SLC29A1: variants seen among roughly 807,000 people sequenced by gnomAD.
SLC29A1 encodes the protein solute carrier family 29 member 1 (Augustine blood group).
In SLC29A1, 22 loss-of-function variants were observed where a neutral mutation model predicts 48.3. The ratio of observed to expected loss-of-function variants is 0.46; its 90% confidence interval spans 0.33 to 0.65. The LOEUF (loss-of-function observed/expected upper bound fraction) is 0.65, where lower values mean the gene tolerates loss of function less well. Among genes scored for constraint, SLC29A1 ranks in the 30% least tolerant of loss-of-function variants. The pLI is 0.03. For synonymous variants in SLC29A1, 228 were observed against 231.0 expected (o/e 0.99, Z 0.12); for missense variants, 491 against 575.3 (o/e 0.85, Z 1.50).
At chr6:44,222,328 A>G (rs1405059540), upstream of SLC29A1, among the ~76,000 whole-genome samples, 1 of 152,078 alleles carries the variant, frequency 6.6e-6, no homozygotes, top group African/African-American at 2.4e-5. Context: ...TGGAAACAGA[A>G]GGCTGGGGAC....
chr6:44,228,430 T>C (rs1778063540), intron 2 of SLC29A1, among the ~76,000 whole-genome samples: 3 of 152,214 alleles, frequency 2.0e-5, no homozygotes, highest in African/African-American at 7.2e-5. Flanking sequence ...GGGGCTGCAG[T>C]TGCATTAACT....
intron 1 of SLC29A1, 127 bp from the exon 2 acceptor site, chr6:44,227,136 C>A: frequency 1.4e-6 from 2 of 1,390,838 alleles, no homozygotes; most frequent in Non-Finnish European, 1.9e-6. Context: ...GGGCAGGGTG[C>A]AGAGGGGGTC....
intron 1 of SLC29A1, 78 bp from the exon 2 acceptor site, chr6:44,227,184 GC>G (rs1777748994): frequency 1.4e-6 from 2 of 1,469,100 alleles, no homozygotes; most frequent in Non-Finnish European, 1.9e-6. Context: ...TGTCAGCCCT[GC>G]CCCCTCTCCC....
In SLC29A1 at chr6:44,231,915, C is replaced by T. The variant is rs1162519363; in HGVS notation, c.865-83C>T. 8.6e-6 allele frequency: 9 copies of T among 1,042,026 alleles called. 1 individual carries two copies. The highest frequency in any genetic ancestry group is 4.7e-5 in the African/African-American group (3 of 63,838). The allele number at this position is 1,042,026 out of a possible 1,614,324, so 64.5% of individuals were successfully genotyped here. A position where few individuals can be genotyped will look rare whatever the true frequency, so the allele number is the denominator to read the frequency against. On this transcript the variant is annotated intron_variant, in intron 9 of 12. Coordinates refer to ENST00000371755, the MANE Select transcript of SLC29A1 (RefSeq NM_001372327.1). ...CTGAGATTACAGGCGTGAGCCACCA[C>T]GCCTGGCCTGGATTCGTGGTTCTTT...
At position 44,227,483 on chromosome 6, in the gene SLC29A1, G is replaced by A. The variant is rs146935212; in HGVS notation, c.29+141G>A. The A allele has an allele frequency of 3.2e-4, 232 of 724,492 alleles. No individual in the cohort carries two copies. The East Asian group carries it at 6.1e-3, about 19-fold the overall frequency. The allele number at this position is 724,492 out of a possible 1,614,324, so 44.9% of individuals were successfully genotyped here. On this transcript the variant is annotated intron_variant, in intron 2 of 12. Transcript: ENST00000371755. ...ATGAGTCAGGTCTGCATCAGGGGTG[G>A]GGACCCCGTGTGCCTTGGCTGGGTG... is the stretch of plus-strand genomic sequence containing the variant.
At chr6:44,220,589 C>T (rs1303793336), upstream of SLC29A1, among the ~76,000 whole-genome samples, 1 of 149,214 alleles carries the variant, frequency 6.7e-6, no homozygotes, top group South Asian at 2.1e-4. Context: ...CCAAGGCGGG[C>T]GGATCACAAG....
upstream of SLC29A1, chr6:44,221,805 C>G (rs780279733): frequency 2.6e-6 from 1 of 389,170 alleles, no homozygotes; most frequent in Non-Finnish European, 4.8e-6. The surrounding 1 kb of genome is among the most constrained non-coding windows in gnomAD (Gnocchi z 4.2). Context: ...GGATGCCAGA[C>G]GGACTTCTCT....
In SLC29A1 at chr6:44,229,967, C is replaced by G. The variant is rs1339922413; in HGVS notation, c.375C>G (p.Ile125Met). 7 of 1,613,176 alleles carry G rather than the reference C, an allele frequency of 4.3e-6. No individual in the cohort carries two copies. The highest frequency in any genetic ancestry group is 4.0e-5 in the African/African-American group (3 of 74,930). ...SLVAILLVFL[I>M]TAILVKVQLD... ...TGGCCATCCTGCTGGTGTTTCTGAT[C>G]ACTGCCATCCTGGTGAAGGTGCAGC... Residue 125 changes from isoleucine to methionine, a missense_variant, in exon 5 of 13, where the codon ATC (isoleucine) becomes ATG (methionine). Ile to Met is a conservative substitution (Grantham distance 10). Coordinates refer to ENST00000371755, the MANE Select transcript of SLC29A1 (RefSeq NM_001372327.1). The surrounding 1 kb of genome is among the most constrained non-coding windows in gnomAD (Gnocchi z 5.1).
rs751660033 is a variant in SLC29A1 at position 44,232,763 on chromosome 6, C to T, written c.1060-44C>T. The T allele has an allele frequency of 1.9e-6, 3 of 1,585,064 alleles. No homozygotes were observed. Among genetic ancestry groups the T allele is most frequent in the East Asian group, 2.2e-5 (1 of 44,660 alleles). On this transcript the variant is annotated intron_variant, in intron 11 of 12. Transcript: ENST00000371755. This position sits in a 1 kb window ranked among gnomAD's most constrained non-coding sequence, Gnocchi z 4.7. ...TGGATCCTTGGGGGCCTGGCTGTGC[C>T]CTGGGGTGGCGGCCTGGGCTGAGGC...
chr6:44,229,956 G>C lies in SLC29A1; in HGVS notation c.364G>C (p.Val122Leu), dbSNP rs1778451846. Reference sequence around the variant, plus strand: ...GGGCAGCCTGGTGGCCATCCTGCTGGTGTTTCTGATCACTGCCATCCTGGT... The same window carrying C: ...GGGCAGCCTGGTGGCCATCCTGCTGCTGTTTCTGATCACTGCCATCCTGGT... ...ILGSLVAILL[V>L]FLITAILVKV... Residue 122 changes from valine to leucine, a missense_variant, in exon 5 of 13, where the codon GTG becomes CTG. Transcript: ENST00000371755. The surrounding 1 kb of genome is among the most constrained non-coding windows in gnomAD (Gnocchi z 5.1). The C allele has an allele frequency of 6.2e-7, 1 of 1,613,298 alleles. No individual in the cohort carries two copies. The highest frequency in any genetic ancestry group is 1.3e-5 in the African/African-American group (1 of 74,910).
upstream of SLC29A1, chr6:44,221,619 A>G (rs999271204): frequency 1.5e-5 from 19 of 1,288,926 alleles, no homozygotes; most frequent in African/African-American, 2.4e-4. The surrounding 1 kb of genome is among the most constrained non-coding windows in gnomAD (Gnocchi z 4.2). Flanking sequence ...GAGAGAAGCC[A>G]GAAGACCAGG....
At position 44,230,558 on chromosome 6, in the gene SLC29A1, A is replaced by C. The variant is rs751866644; in HGVS notation, c.590-10A>C. On this transcript the variant is annotated splice_polypyrimidine_tract_variant and intron_variant, in intron 6 of 12. Coordinates refer to ENST00000371755, the MANE Select transcript of SLC29A1 (RefSeq NM_001372327.1). ...ATGGGGCCTGTCTCTGATCACTGAC[A>C]CCACCCCAGGTGGCTCGGAGCTATC... 2.5e-6 allele frequency: 4 copies of C among 1,613,758 alleles called. No homozygotes were observed. The African/African-American group carries it at 5.3e-5, about 22-fold the overall frequency.
intron 12 of SLC29A1, 56 bp downstream of exon 12, chr6:44,233,062 G>A: frequency 6.5e-7 from 1 of 1,544,008 alleles, no homozygotes; most frequent in Non-Finnish European, 8.9e-7. Flanking sequence ...GAGTTCCAGT[G>A]GGGGACACTC....
chr6:44,230,505 C>T, intron 6 of SLC29A1, 24 bp downstream of exon 6: 1 of 1,613,910 alleles, frequency 6.2e-7, no homozygotes, highest in Non-Finnish European at 8.5e-7. Flanking sequence ...TCTACCTGCC[C>T]AGTGCCCTGG....
At position 44,223,749 on chromosome 6, in the gene SLC29A1, C is replaced by G. The variant is rs1395114610; in HGVS notation, c.-52+108C>G. The G allele has an allele frequency of 6.8e-6, 7 of 1,034,144 alleles. No individual in the cohort carries two copies. The South Asian group carries it at 8.4e-5, about 12-fold the overall frequency. The allele number at this position is 1,034,144 out of a possible 1,614,324, so 64.1% of individuals were successfully genotyped here. ...GGGCGGGCCTGACGGCTCCGCAGCC[C>G]GGAGAAGGGACGCCGGGTGGGGCCC... On this transcript the variant is annotated intron_variant, in intron 1 of 12. Transcript: ENST00000371755. The surrounding 1 kb of genome is among the most constrained non-coding windows in gnomAD (Gnocchi z 5.0).
At chr6:44,223,590 G>T (rs1388646032), upstream of SLC29A1, 1 of 1,215,214 alleles carries the variant, frequency 8.2e-7, no homozygotes, top group Admixed American at 2.9e-5. This position sits in a 1 kb window ranked among gnomAD's most constrained non-coding sequence, Gnocchi z 5.0. Context: ...GGAGAGGGAA[G>T]CTGCAGCGAG....
At chr6:44,221,433 G>A (rs1206809315), upstream of SLC29A1, among the ~76,000 whole-genome samples, 1 of 152,220 alleles carries the variant, frequency 6.6e-6, no homozygotes, top group Non-Finnish European at 1.5e-5. The surrounding 1 kb of genome is among the most constrained non-coding windows in gnomAD (Gnocchi z 4.2). Flanking sequence ...CCTGGGGAGA[G>A]AGAGGACTGT....
chr6:44,221,571 C>T (rs1460380427), upstream of SLC29A1: 1 of 1,243,640 alleles, frequency 8.0e-7, no homozygotes, highest in Non-Finnish European at 1.1e-6. This position sits in a 1 kb window ranked among gnomAD's most constrained non-coding sequence, Gnocchi z 4.2. Context: ...CCTTCCCACC[C>T]CACCCCTTCG....
chr6:44,232,952 C>T lies in SLC29A1; in HGVS notation c.1205C>T (p.Ala402Val), dbSNP rs760790206. Reference protein sequence around the residue: ...HDAWFIFFMAAFAFSNGYLAS... With the variant: ...HDAWFIFFMAVFAFSNGYLAS... Reference sequence around the variant, plus strand: ...GCCTGGTTCATCTTCTTCATGGCTGCCTTTGCCTTCTCCAACGGCTACCTC... The same window carrying T: ...GCCTGGTTCATCTTCTTCATGGCTGTCTTTGCCTTCTCCAACGGCTACCTC... The change falls in exon 12 of 13, where the codon GCC (alanine) becomes GTC (valine). Residue 402 changes from alanine to valine, a missense_variant. Ala to Val is a moderately conservative substitution (Grantham distance 64). Transcript: ENST00000371755. The surrounding 1 kb of genome is among the most constrained non-coding windows in gnomAD (Gnocchi z 4.7). 1.9e-5 allele frequency: 30 copies of T among 1,613,926 alleles called. No individual in the cohort carries two copies. The highest frequency in any genetic ancestry group is 2.5e-5 in the Non-Finnish European group (29 of 1,180,052).
Sources: allele counts gnomAD v4.1 joint callset (sites outside exome capture counted in the v4.1 genomes callset), GRCh38; gene constraint gnomAD v4.1.1; non-coding constraint Gnocchi (gnomAD v3.1); transcripts MANE v1.5; gene names NCBI Gene and HGNC (gene_info 2026-07-23, HGNC 2026-07-21).